KCNQ5: variants seen among roughly 807,000 people sequenced by gnomAD.
KCNQ5 encodes potassium voltage-gated channel subfamily Q member 5, also known as potassium voltage-gated channel subfamily KQT member 5.
In KCNQ5, 30 loss-of-function variants were observed where a neutral mutation model predicts 98.2. That is an observed-to-expected ratio of 0.31 (90% CI 0.23 to 0.41). The LOEUF is 0.41. KCNQ5 is among the 10% of genes least tolerant of loss of function. The pLI, the probability that KCNQ5 is intolerant of heterozygous loss-of-function variation, is 1.00. For synonymous variants in KCNQ5, 458 were observed against 449.4 expected (o/e 1.02, Z -0.24); for missense variants, 835 against 1,182.5 (o/e 0.71, Z 4.31).
At chr6:72,998,110 G>A (rs980689996) in intron 1 of KCNQ5, among the ~76,000 whole-genome samples, 1 of 152,190 alleles carries the variant, frequency 6.6e-6, no homozygotes, top group African/African-American at 2.4e-5. Context: ...AGAAAGAAAT[G>A]ACTCCAGTGC....
At chr6:73,141,227 T>G (rs1349562567) in intron 10 of KCNQ5, among the ~76,000 whole-genome samples, 1 of 152,210 alleles carries the variant, frequency 6.6e-6, no homozygotes, top group African/African-American at 2.4e-5. Flanking sequence ...GGTCTCTTTA[T>G]GAGGGCACTA....
At chr6:72,826,810 AT>A (rs898279717) in intron 1 of KCNQ5, among the ~76,000 whole-genome samples, 6 of 152,258 alleles carry the variant, frequency 3.9e-5, no homozygotes, top group African/African-American at 1.2e-4. Flanking sequence ...ATAAAACATT[AT>A]AACTGATTCC....
At chr6:72,776,047 G>A (rs773246785) in intron 1 of KCNQ5, among the ~76,000 whole-genome samples, 2 of 152,128 alleles carry the variant, frequency 1.3e-5, no homozygotes, top group Non-Finnish European at 2.9e-5. Flanking sequence ...TAATATGTTA[G>A]CAATAGGGGA....
intron 1 of KCNQ5, among the ~76,000 whole-genome samples, chr6:72,647,409 C>T (rs1765647160): frequency 6.8e-6 from 1 of 148,054 alleles, no homozygotes; most frequent in Admixed American, 6.8e-5. Flanking sequence ...GAAACCTGGT[C>T]AGGAGACAGA....
intron 5 of KCNQ5, among the ~76,000 whole-genome samples, chr6:73,097,675 C>G (rs1229211188): frequency 1.3e-5 from 2 of 152,096 alleles, no homozygotes; most frequent in South Asian, 2.1e-4. Context: ...GAAAGAGAGA[C>G]TCGTTTGTTT....
chr6:72,699,680 A>T (rs1319269561), intron 1 of KCNQ5, among the ~76,000 whole-genome samples: 1 of 152,214 alleles, frequency 6.6e-6, no homozygotes, highest in Non-Finnish European at 1.5e-5. Flanking sequence ...ATTTAATATA[A>T]GAATACTTTA....
chr6:73,162,764 GA>G (rs1174320480), intron 10 of KCNQ5, among the ~76,000 whole-genome samples: 2 of 151,658 alleles, frequency 1.3e-5, no homozygotes, highest in East Asian at 1.9e-4. Flanking sequence ...GATGGATGAG[GA>G]AAAAAAAATT....
chr6:72,662,391 C>G (rs540849647), intron 1 of KCNQ5, among the ~76,000 whole-genome samples: 1 of 152,194 alleles, frequency 6.6e-6, no homozygotes, highest in African/African-American at 2.4e-5. Flanking sequence ...TTAATTCTCT[C>G]TAGCCAATCA....
At chr6:73,154,650 C>T (rs1439047929) in intron 10 of KCNQ5, among the ~76,000 whole-genome samples, 1 of 152,092 alleles carries the variant, frequency 6.6e-6, no homozygotes, top group East Asian at 1.9e-4. Context: ...TTACAGATTG[C>T]ATTTCCACCT....
intron 1 of KCNQ5, among the ~76,000 whole-genome samples, chr6:72,953,322 T>G (rs1582079612): frequency 1.3e-5 from 2 of 152,236 alleles, no homozygotes; most frequent in African/African-American, 4.8e-5. Flanking sequence ...TTCTTTCTTG[T>G]GAATAACAAT....
At chr6:73,076,018 C>T (rs1773525010) in intron 3 of KCNQ5, among the ~76,000 whole-genome samples, 1 of 151,984 alleles carries the variant, frequency 6.6e-6, no homozygotes, top group Admixed American at 6.6e-5. Context: ...AGAGTGAGAC[C>T]CTGTCAAAGG....
intron 1 of KCNQ5, among the ~76,000 whole-genome samples, chr6:72,860,915 A>G (rs1777739868): frequency 6.6e-6 from 1 of 152,064 alleles, no homozygotes; most frequent in Non-Finnish European, 1.5e-5. Flanking sequence ...AAAAGAAGTC[A>G]GACTCTACTC....
At chr6:73,123,282 G>T (rs1030553154) in intron 8 of KCNQ5, among the ~76,000 whole-genome samples, 1 of 152,098 alleles carries the variant, frequency 6.6e-6, no homozygotes, top group Admixed American at 6.5e-5. Flanking sequence ...AGCATCAGAG[G>T]CTATAATTTC....
chr6:72,780,315 A>G (rs1773395462), intron 1 of KCNQ5, among the ~76,000 whole-genome samples: 1 of 152,212 alleles, frequency 6.6e-6, no homozygotes, highest in Admixed American at 6.5e-5. Flanking sequence ...TTAAGAATTG[A>G]TAAGACATTT....
intron 5 of KCNQ5, among the ~76,000 whole-genome samples, chr6:73,088,009 TTC>T (rs1172873078): frequency 8.1e-5 from 10 of 122,782 alleles, no homozygotes; most frequent in African/African-American, 1.1e-4. Context: ...TGTTTTCTTT[TTC>T]TCTCTCTCTC....
At chr6:72,710,588 G>A (rs1028625411) in intron 1 of KCNQ5, among the ~76,000 whole-genome samples, 14 of 152,082 alleles carry the variant, frequency 9.2e-5, no homozygotes, top group African/African-American at 3.4e-4. Context: ...TGTAAAAAGA[G>A]ACAAAGAAGG....
chr6:72,941,454 TCCTTCCTTCTTCCTTCCCTCCTTCCCTC>T (rs1472427423), intron 1 of KCNQ5, among the ~76,000 whole-genome samples: 1 of 113,244 alleles, frequency 8.8e-6, no homozygotes, highest in Non-Finnish European at 1.8e-5. Context: ...CTTCATTCCT[TCCTTCCTTCTTCCTTCCCTCCTTCCCTC>T]CCTCCCTTCT....
intron 10 of KCNQ5, among the ~76,000 whole-genome samples, chr6:73,165,897 A>C (rs1777775723): frequency 6.6e-6 from 1 of 151,842 alleles, no homozygotes; most frequent in Non-Finnish European, 1.5e-5. Flanking sequence ...GTGAGCCGAG[A>C]TTGTGCTACT....
At chr6:72,891,660 T>C (rs1463379737) in intron 1 of KCNQ5, among the ~76,000 whole-genome samples, 2 of 152,320 alleles carry the variant, frequency 1.3e-5, no homozygotes, top group East Asian at 3.9e-4. Context: ...GCACCGATGT[T>C]AGAATTCAGT....
Sources: allele counts gnomAD v4.1 joint callset (sites outside exome capture counted in the v4.1 genomes callset), GRCh38; gene constraint gnomAD v4.1.1; transcripts MANE v1.5; gene names NCBI Gene and HGNC (gene_info 2026-07-23, HGNC 2026-07-21).